The following PTOV1 variants were observed in gnomAD, a reference collection of about 807,000 sequenced individuals.
PTOV1 encodes the protein PTOV1 extended AT-hook containing adaptor protein.
PTOV1 carries 20 observed loss-of-function variants against 58.0 expected under a neutral mutation model. The ratio of observed to expected loss-of-function variants is 0.34; its 90% CI spans 0.24 to 0.50. The LOEUF is 0.50. Ranked by LOEUF, PTOV1 falls within the 20% of genes least tolerant of loss-of-function variation. The pLI is 0.98. For missense variants in PTOV1, 593 were observed against 565.4 expected (o/e 1.05, Z -0.50); for synonymous variants, 335 against 234.2 (o/e 1.43, Z -3.93).
At chr19:49,854,447 C>T (rs1410205864) in exon 2 of PTOV1, 3 of 1,612,074 alleles carry the variant, frequency 1.9e-6, no homozygotes, top group Non-Finnish European at 2.5e-6. Context: ...CCATCGGTCC[C>T]TCCTCACCTG....
At chr19:49,857,977 T>C in exon 8 of PTOV1, 2 of 1,613,266 alleles carry the variant, frequency 1.2e-6, no homozygotes, top group Non-Finnish European at 1.7e-6. Context: ...GGGGAGATCC[T>C]GTGAGTGCTG....
exon 2 of PTOV1, chr19:49,854,443 G>A: frequency 6.2e-7 from 1 of 1,611,958 alleles, no homozygotes; most frequent in Non-Finnish European, 8.5e-7. Flanking sequence ...GGTCCCATCG[G>A]TCCCTCCTCA....
exon 10 of PTOV1, chr19:49,858,602 C>T (rs1204612129): frequency 1.2e-6 from 2 of 1,606,970 alleles, no homozygotes; most frequent in Non-Finnish European, 1.7e-6. Flanking sequence ...TCCACTTCAC[C>T]AAGGACCTGG....
intron 6 of PTOV1, chr19:49,857,395 G>A (rs935066717): frequency 3.1e-5 from 19 of 613,478 alleles, no homozygotes; most frequent in African/African-American, 7.4e-5. Flanking sequence ...GGTTGGGATC[G>A]TCCTGCGGCT....
chr19:49,858,692 G>A, intron 10 of PTOV1, 39 bp downstream of exon 10: 1 of 1,529,968 alleles, frequency 6.5e-7, no homozygotes, highest in Non-Finnish European at 8.9e-7. Flanking sequence ...GGGCCGGCCA[G>A]GGCAGAGCGA....
At chr19:49,860,729 CT>C in exon 12 of PTOV1, 1 of 302,918 alleles carries the variant, frequency 3.3e-6, no homozygotes. Flanking sequence ...CCAATAAAGC[CT>C]TTTAAAAACC....
Position 49,851,183 on chromosome 19 carries a change from C to G in PTOV1, c.-146C>G. 3 of 1,224,702 alleles carry G rather than the reference C, an allele frequency of 2.4e-6. No individual in the cohort carries two copies. In the African/African-American group the frequency reaches 4.7e-5, roughly 19 times the overall value. The allele number at this position is 1,224,702 out of a possible 1,614,324, so 75.9% of individuals were successfully genotyped here. A position where few individuals can be genotyped will look rare whatever the true frequency, so the allele number is the denominator to read the frequency against. On this transcript the variant is annotated 5_prime_UTR_variant, in exon 1 of 12. Transcript: ENST00000391842. ...CAGTGGTTCGGCCGCGGCGACCCCA[C>G]TCCGGCGGCGCGTCCCCCGAGCTTG...
intron 10 of PTOV1, 42 bp downstream of exon 10, chr19:49,858,695 C>A: frequency 6.6e-7 from 1 of 1,514,666 alleles, no homozygotes; most frequent in Non-Finnish European, 9.0e-7. Flanking sequence ...CCGGCCAGGG[C>A]AGAGCGAGCC....
At position 49,857,559 on chromosome 19, in the gene PTOV1, C is replaced by T. The variant is rs1370686166; in HGVS notation, c.715-134C>T. ...AGCAGATGAGGGGCAGGGCCTGTTCCCCTGGGACTAGAGAATGGACCCAGC... is the reference window on the plus strand; with the variant it reads ...AGCAGATGAGGGGCAGGGCCTGTTCTCCTGGGACTAGAGAATGGACCCAGC... On this transcript the variant is annotated intron_variant, in intron 6 of 11. Coordinates refer to ENST00000391842, the Ensembl canonical transcript of PTOV1. 1.4e-5 allele frequency: 11 copies of T among 813,746 alleles called. No individual in the cohort carries two copies. In the Admixed American group the frequency reaches 2.4e-4, roughly 18 times the overall value. The allele number at this position is 813,746 out of a possible 1,614,324, so 50.4% of individuals were successfully genotyped here.
At chr19:49,851,648 T>C in intron 1 of PTOV1, 149 bp downstream of exon 1, 2 of 1,062,334 alleles carry the variant, frequency 1.9e-6, no homozygotes, top group East Asian at 4.6e-5. Flanking sequence ...GGTTCCCCCG[T>C]GGAGCACCCG....
rs747859618 is a variant in PTOV1, at chr19:49,854,902, C to G, written c.450+14C>G. 1 of 1,598,494 alleles carries G rather than the reference C, an allele frequency of 6.3e-7. No homozygotes were observed. The highest frequency in any genetic ancestry group is 2.2e-5 in the East Asian group (1 of 44,586). ...CAGCAGCTGCTGGTGAGACCCGCCC[C>G]TCCCACCCCATCCACTCTGAGCACC... On this transcript the variant is annotated intron_variant, in intron 4 of 11. Coordinates refer to ENST00000391842, the Ensembl canonical transcript of PTOV1.
chr19:49,856,786 G>C (rs564722934), intron 5 of PTOV1, 189 bp from the exon 6 acceptor site: 2 of 665,452 alleles, frequency 3.0e-6, no homozygotes, highest in Non-Finnish European at 4.9e-6. Flanking sequence ...GCCATGGCAG[G>C]GTCGGGGGAT....
intron 4 of PTOV1, 29 bp downstream of exon 4, chr19:49,854,917 C>A (rs879696366): frequency 6.4e-7 from 1 of 1,571,280 alleles, no homozygotes; most frequent in East Asian, 2.3e-5. Flanking sequence ...ACCCCATCCA[C>A]TCTGAGCACC....
exon 1 of PTOV1, chr19:49,851,179 C>T (rs1253126746): frequency 4.1e-6 from 5 of 1,227,876 alleles, no homozygotes; most frequent in Non-Finnish European, 5.1e-6. Flanking sequence ...CCGCGGCGAC[C>T]CCACTCCGGC....
At chr19:49,857,364 C>A in intron 6 of PTOV1, 1 of 638,110 alleles carries the variant, frequency 1.6e-6, no homozygotes, top group Non-Finnish European at 2.7e-6. Context: ...GGGAAGCCAG[C>A]GGAGCGGGGA....
At chr19:49,857,077 G>T in exon 6 of PTOV1, 1 of 1,614,104 alleles carries the variant, frequency 6.2e-7, no homozygotes, top group Non-Finnish European at 8.5e-7. Context: ...CATCCCCTAC[G>T]ACCAGAGCGG....
chr19:49,851,097 G>A (rs1276135638), upstream of PTOV1: 6 of 1,414,296 alleles, frequency 4.2e-6, no homozygotes, highest in Non-Finnish European at 4.6e-6. Context: ...CGCCGCCTTG[G>A]TACGCTCCGG....
intron 10 of PTOV1, chr19:49,858,896 C>T (rs1160630938): frequency 4.2e-6 from 2 of 481,304 alleles, no homozygotes; most frequent in Admixed American, 3.2e-5. Flanking sequence ...TGACTCAGCA[C>T]CAACTCCGCG....
chr19:49,857,639 G>A lies in PTOV1; in HGVS notation c.715-54G>A, dbSNP rs2074535903. The A allele has an allele frequency of 7.8e-6, 12 of 1,538,316 alleles. No homozygotes were observed. The East Asian group carries it at 2.7e-4, about 35-fold the overall frequency. The stretch of plus-strand genomic sequence containing the variant: ...GGGATGGCAGGCCCCAGGACAGACA[G>A]ACAGGTTTCCCAGGAGCCTGGGCCC... On this transcript the variant is annotated intron_variant, in intron 6 of 11. Transcript: ENST00000391842.
Sources: allele counts gnomAD v4.1 joint callset, GRCh38; gene constraint gnomAD v4.1.1; transcripts MANE v1.5; gene names NCBI Gene and HGNC (gene_info 2026-07-23, HGNC 2026-07-21).